Variants in KRT80 observed in about 807,000 individuals in gnomAD.
KRT80 encodes the protein keratin 80.
Under a neutral mutation model 51.5 loss-of-function variants are expected in KRT80, and 36 were observed. The observed-to-expected ratio is 0.70, with a 90% CI of 0.54 to 0.92. The LOEUF is 0.92. KRT80 is among the 40% of genes least tolerant of loss of function. The pLI is 0.00. For missense variants in KRT80, 566 were observed against 591.7 expected (o/e 0.96, Z 0.45); for synonymous variants, 235 against 248.3 (o/e 0.95, Z 0.50).
intron 1 of KRT80, 66 bp from the exon 2 acceptor site, chr12:52,185,653 G>C (rs1941394701): frequency 2.6e-6 from 4 of 1,562,906 alleles, no homozygotes; most frequent in Non-Finnish European, 3.4e-6. Context: ...GCCCCGGGCT[G>C]ACCAGCAAGA....
chr12:52,177,692 T>C (rs1941254628), intron 4 of KRT80, among the ~76,000 whole-genome samples: 1 of 151,756 alleles, frequency 6.6e-6, no homozygotes, highest in Non-Finnish European at 1.5e-5. Flanking sequence ...CACACACACA[T>C]GTTTTGGAGA....
chr12:52,190,600 C>T (rs768770782), intron 1 of KRT80, among the ~76,000 whole-genome samples: 4 of 152,206 alleles, frequency 2.6e-5, no homozygotes, highest in Admixed American at 6.5e-5. Flanking sequence ...GGTTTACTGG[C>T]AGGTTCAGAA....
chr12:52,190,898 C>A (rs1296896142), intron 1 of KRT80, among the ~76,000 whole-genome samples: 1 of 152,102 alleles, frequency 6.6e-6, no homozygotes, highest in Non-Finnish European at 1.5e-5. Flanking sequence ...GTGCCCCAGA[C>A]CTGTTGCAGG....
At chr12:52,191,386 A>G (rs1184339073) in intron 1 of KRT80, among the ~76,000 whole-genome samples, 1 of 152,152 alleles carries the variant, frequency 6.6e-6, no homozygotes. Flanking sequence ...CTCAAAGGCC[A>G]TCCTGGGGTC....
In KRT80 at chr12:52,185,509, C is replaced by T. The variant is rs776757382; in HGVS notation, c.379G>A (p.Asp127Asn). 5.3e-5 allele frequency: 85 copies of T among 1,613,718 alleles called. No homozygotes were observed. In the Middle Eastern group the frequency reaches 6.6e-4, roughly 13 times the overall value. ...FLQGQDSAIF[D>N]LGHLYEEYQG... is the part of the protein sequence containing the mutation. Reference sequence around the variant, plus strand: ...TATTCCTCATAGAGATGCCCGAGGTCGAAGATGGCTGAGTCCTGGCCCTGC... The same window carrying T: ...TATTCCTCATAGAGATGCCCGAGGTTGAAGATGGCTGAGTCCTGGCCCTGC... Residue 127 changes from aspartate to asparagine, a missense_variant, in exon 2 of 9, where the codon GAC becomes AAC. Asp to Asn is a conservative substitution (Grantham distance 23). Coordinates refer to ENST00000394815, the MANE Select transcript of KRT80 (RefSeq NM_182507.3).
At chr12:52,175,922 A>G (rs1941210869) in intron 4 of KRT80, among the ~76,000 whole-genome samples, 1 of 152,120 alleles carries the variant, frequency 6.6e-6, no homozygotes, top group Non-Finnish European at 1.5e-5. Context: ...TCAGAGCTGC[A>G]GCTTTGAGGC....
intron 2 of KRT80, among the ~76,000 whole-genome samples, chr12:52,184,965 C>T (rs1000390758): frequency 6.6e-6 from 1 of 152,226 alleles, no homozygotes; most frequent in African/African-American, 2.4e-5. Context: ...TCTAAAGCCA[C>T]ATCTAAAACA....
chr12:52,188,825 A>T (rs1943899718), intron 1 of KRT80, among the ~76,000 whole-genome samples: 1 of 152,172 alleles, frequency 6.6e-6, no homozygotes, highest in African/African-American at 2.4e-5. Flanking sequence ...GAAGGCAAGA[A>T]GCCCAGCCAG....
chr12:52,178,104 G>A (rs1941262155), intron 4 of KRT80, among the ~76,000 whole-genome samples: 1 of 152,180 alleles, frequency 6.6e-6, no homozygotes, highest in Non-Finnish European at 1.5e-5. Context: ...CTGCAGCAGT[G>A]TATGGAGAGA....
At position 52,171,717 on chromosome 12, in the gene KRT80, G is replaced by T; in HGVS notation, c.1179-4C>A. On this transcript the variant is annotated splice_polypyrimidine_tract_variant and splice_region_variant and intron_variant, in intron 7 of 8. Coordinates refer to ENST00000394815, the MANE Select transcript of KRT80 (RefSeq NM_182507.3). The stretch of plus-strand genomic sequence containing the variant: ...AGTGGCTGAGGGCGAGTCCATCCTG[G>T]GGGTGGGGGACGGGGGGGTGGGAGA... The T allele has an allele frequency of 6.5e-7, 1 of 1,541,578 alleles. No homozygotes were observed. The highest frequency in any genetic ancestry group is 1.7e-4 in the Middle Eastern group (1 of 5,962).
At chr12:52,183,739 G>A (rs550101346) in intron 2 of KRT80, among the ~76,000 whole-genome samples, 6 of 152,364 alleles carry the variant, frequency 3.9e-5, no homozygotes, top group East Asian at 1.9e-4. Context: ...GTGATCTGGC[G>A]GAGCTCGTGG....
rs532370710 is a variant in KRT80, at chr12:52,176,617, G to GA, written c.667-2854dup. Among the ~76,000 whole-genome samples, 821 of 152,246 alleles carry GA rather than the reference G, an allele frequency of 5.4e-3. 9 individuals are homozygous for GA. The highest frequency in any genetic ancestry group is 0.018 in the African/African-American group (748 of 41,540). On this transcript the variant is annotated intron_variant, in intron 4 of 8. Transcript: ENST00000394815. ...CTGCCTCAGCCTCCCAAGTAGCTGG[G>GA]ATTACAGGCATGCGCCACCTCACCC...
chr12:52,189,153 C>T (rs1033866290), intron 1 of KRT80, among the ~76,000 whole-genome samples: 2 of 152,110 alleles, frequency 1.3e-5, no homozygotes, highest in African/African-American at 4.8e-5. Flanking sequence ...CACCCCTCTC[C>T]TCTCTTTACC....
At chr12:52,172,463 G>A in intron 6 of KRT80, 45 bp from the exon 7 acceptor site, 1 of 1,560,904 alleles carries the variant, frequency 6.4e-7, no homozygotes, top group Non-Finnish European at 8.7e-7. Flanking sequence ...AGCAGGGGAA[G>A]GAGGAGCGGG....
At position 52,185,503 on chromosome 12, in the gene KRT80, C is replaced by G. The variant is rs143588080; in HGVS notation, c.385G>C (p.Gly129Arg). The change falls in exon 2 of 9, where the codon GGG (glycine) becomes CGG (arginine). Residue 129 changes from glycine (G) to arginine (R), a missense_variant. Physicochemically the swap from Gly to Arg is moderately radical, Grantham distance 125. Coordinates refer to ENST00000394815, the MANE Select transcript of KRT80 (RefSeq NM_182507.3). ...CCCTGATATTCCTCATAGAGATGCCCGAGGTCGAAGATGGCTGAGTCCTGG... is the reference window on the plus strand; with the variant it reads ...CCCTGATATTCCTCATAGAGATGCCGGAGGTCGAAGATGGCTGAGTCCTGG... ...QGQDSAIFDL[G>R]HLYEEYQGRL... is the part of the protein sequence containing the mutation. 6 of 1,613,836 alleles carry G rather than the reference C, an allele frequency of 3.7e-6. No homozygotes were observed. The highest frequency in any genetic ancestry group is 5.1e-6 in the Non-Finnish European group (6 of 1,180,024).
chr12:52,175,208 A>G (rs1163834706), intron 4 of KRT80, among the ~76,000 whole-genome samples: 2 of 151,854 alleles, frequency 1.3e-5, no homozygotes, highest in Non-Finnish European at 2.9e-5. Context: ...TGTAATCTCC[A>G]TTTCTCTCTT....
intron 2 of KRT80, among the ~76,000 whole-genome samples, chr12:52,183,718 C>T (rs1475531790): frequency 6.6e-6 from 1 of 152,268 alleles, no homozygotes. Context: ...TTACAAAGTG[C>T]TTCCATGGAC....
intron 4 of KRT80, among the ~76,000 whole-genome samples, 178 bp downstream of exon 4, chr12:52,180,335 G>T (rs1941297072): frequency 6.6e-6 from 1 of 152,234 alleles, no homozygotes; most frequent in African/African-American, 2.4e-5. Context: ...CAGGGGTCAT[G>T]CAGGGTTATT....
At position 52,191,642 on chromosome 12, in the gene KRT80, C is replaced by T. The variant is rs774989860; in HGVS notation, c.261G>A (p.Met87Ile). 2 of 1,607,852 alleles carry T rather than the reference C, an allele frequency of 1.2e-6. No individual in the cohort carries two copies. The highest frequency in any genetic ancestry group is 1.7e-6 in the Non-Finnish European group (2 of 1,175,808). Reference protein sequence around the residue: ...QQLKNQEKEEMKALNDKFASL... With the variant: ...QQLKNQEKEEIKALNDKFASL... ...AGGCAAATTTATCATTGAGGGCCTT[C>T]ATCTCCTCCTTCTCCTGGTTCTTCA... The change falls in exon 1 of 9, where the codon ATG becomes ATA. Residue 87 changes from methionine (M) to isoleucine (I), a missense_variant. Transcript: ENST00000394815.
Sources: gnomAD v4.1 joint callset for allele counts (sites outside exome capture counted in the v4.1 genomes callset) on GRCh38, gnomAD v4.1.1 for gene constraint, MANE v1.5 for transcripts, NCBI Gene and HGNC (gene_info 2026-07-23, HGNC 2026-07-21) for gene names.